Variants in SUPT3H observed in about 807,000 individuals in gnomAD.
SUPT3H encodes the protein SPT3 homolog, SAGA and STAGA complex component.
A neutral mutation model predicts 44.3 loss-of-function variants in SUPT3H; 44 were observed. That is an observed-to-expected ratio of 0.99 (90% CI 0.78 to 1.28). The LOEUF is 1.28. SUPT3H is among the 50% of genes most tolerant of loss of function. SUPT3H has a pLI of 0.00. For synonymous variants in SUPT3H, 124 were observed against 125.6 expected, an observed-to-expected ratio of 0.99 and a Z score of 0.09; for missense variants, 380 against 387.1, an observed-to-expected ratio of 0.98 and a Z score of 0.15.
At chr6:45,199,816 GCAAT>G (rs1762189918) in intron 2 of SUPT3H, among the ~76,000 whole-genome samples, 1 of 151,040 alleles carries the variant, frequency 6.6e-6, no homozygotes, top group South Asian at 2.1e-4. Context: ...TTCCTTTTTT[GCAAT>G]CAATACATGA....
intron 10 of SUPT3H, among the ~76,000 whole-genome samples, chr6:44,869,148 C>G (rs1158111718): frequency 5.9e-5 from 9 of 152,080 alleles, no homozygotes; most frequent in Non-Finnish European, 1.0e-4. Context: ...CAGCTCTTGT[C>G]CAAACATCAA....
chr6:44,836,087 G>C (rs967146691), intron 10 of SUPT3H, among the ~76,000 whole-genome samples: 2 of 152,074 alleles, frequency 1.3e-5, no homozygotes, highest in Non-Finnish European at 2.9e-5. Context: ...TTGTGTCTGC[G>C]TGTGGGCAAG....
Position 44,901,311 on chromosome 6 carries a change from C to T in SUPT3H, c.912+31342G>A, listed in dbSNP as rs145210252. On this transcript the variant is annotated intron_variant, in intron 10 of 10. Coordinates refer to ENST00000371459, the MANE Select transcript of SUPT3H (RefSeq NM_003599.4). ...ACGAATGGCTAACTAGAATAACCAA[C>T]GCAGAGAAGTCCTAAAAGGACCTGA... Among the ~76,000 whole-genome samples the T allele has an allele frequency of 6.6e-3, 1,010 of 151,938 alleles. 12 individuals are homozygous for T. Among genetic ancestry groups the T allele is most frequent in the African/African-American group, 0.023 (941 of 41,400 alleles).
intron 10 of SUPT3H, among the ~76,000 whole-genome samples, chr6:44,878,377 G>A (rs202107031): frequency 1.3e-5 from 2 of 152,012 alleles, no homozygotes; most frequent in South Asian, 2.1e-4. Flanking sequence ...CCATTTGTGG[G>A]TATGTTTCTA....
chr6:45,175,635 A>T (rs957583666), intron 2 of SUPT3H, among the ~76,000 whole-genome samples: 1 of 152,194 alleles, frequency 6.6e-6, no homozygotes, highest in Non-Finnish European at 1.5e-5. Flanking sequence ...TTTATTAAAT[A>T]AACTAACAGA....
chr6:45,138,055 CAT>C (rs757336174), intron 2 of SUPT3H, among the ~76,000 whole-genome samples: 8 of 151,986 alleles, frequency 5.3e-5, no homozygotes, highest in East Asian at 1.9e-4. Flanking sequence ...GATTTGAATA[CAT>C]GTTTCTCCAA....
chr6:44,998,562 C>T (rs1323417802), intron 6 of SUPT3H, among the ~76,000 whole-genome samples: 1 of 151,788 alleles, frequency 6.6e-6, no homozygotes, highest in Non-Finnish European at 1.5e-5. Flanking sequence ...TCCTTGAACT[C>T]TGGCAAATAA....
At chr6:45,193,619 G>A (rs529094545) in intron 2 of SUPT3H, among the ~76,000 whole-genome samples, 74 of 152,146 alleles carry the variant, frequency 4.9e-4, no homozygotes, top group Non-Finnish European at 9.1e-4. Context: ...GGGAGGCTGA[G>A]GCAGGAGAAT....
chr6:45,301,725 A>T (rs1037899039), intron 2 of SUPT3H, among the ~76,000 whole-genome samples: 1 of 152,156 alleles, frequency 6.6e-6, no homozygotes, highest in African/African-American at 2.4e-5. Context: ...TAGTTTATCA[A>T]TCTTTATATT....
rs977137658 is a variant in SUPT3H at position 45,296,697 on chromosome 6, C to T, written c.101+68504G>A. The stretch of plus-strand genomic sequence containing the variant: ...GAGGTTGCAGTGAGCTGAGATCGTG[C>T]CACTGCACTCCAGCCTGGCCAACAG... On this transcript the variant is annotated intron_variant, in intron 2 of 10. Transcript: ENST00000371459. 5.0e-5 allele frequency among the ~76,000 whole-genome samples: 7 copies of T among 140,216 alleles called. No individual in the cohort carries two copies. The East Asian group carries it at 1.2e-3, about 25-fold the overall frequency. 92.0% of individuals were successfully genotyped at this position (140,216 alleles called of 152,430 possible).
At chr6:45,344,114 G>A (rs990932461) in intron 2 of SUPT3H, among the ~76,000 whole-genome samples, 6 of 152,130 alleles carry the variant, frequency 3.9e-5, no homozygotes, top group African/African-American at 1.4e-4. Context: ...CTTTTATTCG[G>A]AGAGATAAAA....
chr6:45,077,727 C>A (rs905754928), intron 3 of SUPT3H, among the ~76,000 whole-genome samples: 1 of 150,036 alleles, frequency 6.7e-6, no homozygotes, highest in African/African-American at 2.5e-5. Flanking sequence ...CTTATAGTGT[C>A]ACATTATCAG....
At chr6:45,285,910 G>A (rs1182970211) in intron 2 of SUPT3H, among the ~76,000 whole-genome samples, 3 of 151,776 alleles carry the variant, frequency 2.0e-5, no homozygotes, top group African/African-American at 7.3e-5. Flanking sequence ...ATAGACCAAT[G>A]GAAAAGAACA....
At chr6:45,004,540 CAA>C (rs976212789) in intron 5 of SUPT3H, among the ~76,000 whole-genome samples, 1 of 151,692 alleles carries the variant, frequency 6.6e-6, no homozygotes, top group Non-Finnish European at 1.5e-5. Flanking sequence ...ATTTTTAAAT[CAA>C]AAAGTTTTAT....
At chr6:45,242,246 A>G (rs1770491834) in intron 2 of SUPT3H, among the ~76,000 whole-genome samples, 1 of 152,256 alleles carries the variant, frequency 6.6e-6, no homozygotes, top group Admixed American at 6.5e-5. Context: ...CTTTCTAAAC[A>G]GAATAAGGAC....
chr6:44,967,029 T>A (rs540247), intron 6 of SUPT3H, among the ~76,000 whole-genome samples: 149,226 of 152,326 alleles, frequency 0.98, 73,107 homozygotes, highest in Middle Eastern at 1. Context: ...TTAGGTGTCA[T>A]CAACAGCATT....
chr6:45,119,105 A>G (rs1801244800), intron 2 of SUPT3H, among the ~76,000 whole-genome samples: 1 of 152,182 alleles, frequency 6.6e-6, no homozygotes, highest in Admixed American at 6.5e-5. Flanking sequence ...TGTCATAGAC[A>G]TATAATCATA....
At chr6:45,316,903 T>C (rs1254462225) in intron 2 of SUPT3H, among the ~76,000 whole-genome samples, 1 of 151,980 alleles carries the variant, frequency 6.6e-6, no homozygotes, top group Non-Finnish European at 1.5e-5. Context: ...GGAAAGATAT[T>C]CTAACTTTAT....
intron 3 of SUPT3H, among the ~76,000 whole-genome samples, chr6:45,037,328 A>G (rs897930887): frequency 1.3e-5 from 2 of 151,786 alleles, no homozygotes; most frequent in African/African-American, 4.8e-5. Flanking sequence ...AGAAGAGACT[A>G]TGAAAGTAGA....
Sources: gnomAD v4.1 joint callset for allele counts (sites outside exome capture counted in the v4.1 genomes callset) on GRCh38, gnomAD v4.1.1 for gene constraint, MANE v1.5 for transcripts, NCBI Gene and HGNC (gene_info 2026-07-23, HGNC 2026-07-21) for gene names.